The following PABIR2 variants were observed in gnomAD, a reference collection of about 807,000 sequenced individuals.
PABIR2 encodes the protein family with sequence similarity 122B.
A neutral mutation model predicts 22.8 loss-of-function variants in PABIR2; 7 were observed. The observed-to-expected ratio is 0.31, with a 90% confidence interval of 0.17 to 0.58. The LOEUF (loss-of-function observed/expected upper bound fraction) is 0.58, where lower values mean the gene tolerates loss of function less well. Among genes scored for constraint, PABIR2 ranks in the 20% least tolerant of loss-of-function variants. The pLI is 0.89. For missense variants in PABIR2, 155 were observed against 205.1 expected (o/e 0.76, Z 1.49); for synonymous variants, 67 against 73.8 (o/e 0.91, Z 0.47).
At chrX:134,784,114 C>T (rs1204120641) in intron 8 of PABIR2, among the ~76,000 whole-genome samples, 1 of 108,897 alleles carries the variant, frequency 9.2e-6, no homozygotes, top group Non-Finnish European at 1.9e-5. Flanking sequence ...TGTTAAGACT[C>T]GTTTAAAATG....
At chrX:134,787,912 G>C (rs1295186868) in intron 6 of PABIR2, among the ~76,000 whole-genome samples, 2 of 107,687 alleles carry the variant, frequency 1.9e-5, no homozygotes, top group East Asian at 2.9e-4. Flanking sequence ...AATGATTACA[G>C]GTATAAGCCA....
At position 134,772,051 on chromosome X, in the gene PABIR2, C is replaced by T; in HGVS notation, c.*88G>A. 1.0e-5 allele frequency: 11 copies of T among 1,095,457 alleles called. No individual in the cohort carries two copies. Among genetic ancestry groups the T allele is most frequent in the Non-Finnish European group, 1.2e-5 (10 of 834,473 alleles). 90.3% of individuals were successfully genotyped at this position (1,095,457 alleles called of 1,213,427 possible). ...GTGTGAAATCTGTAAAACTTTAATC[C>T]TCATTATGGATCAAAGTTCTCTGCG... On this transcript the variant is annotated 3_prime_UTR_variant, in exon 10 of 10. Transcript: ENST00000343004.
At chrX:134,787,301 T>C (rs1192863273) in intron 7 of PABIR2, among the ~76,000 whole-genome samples, 171 bp downstream of exon 7, 2 of 109,640 alleles carry the variant, frequency 1.8e-5, no homozygotes, top group African/African-American at 3.3e-5. Flanking sequence ...GGTTTCACCA[T>C]GTTGGCCAAG....
intron 6 of PABIR2, among the ~76,000 whole-genome samples, chrX:134,788,102 C>T (rs2079401948): frequency 1.0e-5 from 1 of 98,777 alleles, no homozygotes. Flanking sequence ...AATATATACA[C>T]GTTATATATG....
At chrX:134,793,946 T>C in intron 1 of PABIR2, 53 bp from the exon 2 acceptor site, 1 of 1,176,314 alleles carries the variant, frequency 8.5e-7, no homozygotes, top group Admixed American at 2.4e-5. Context: ...TAATGTTTTC[T>C]AATGGAAGAT....
intron 1 of PABIR2, among the ~76,000 whole-genome samples, chrX:134,794,720 A>C (rs887344179): frequency 2.7e-5 from 3 of 112,191 alleles, no homozygotes; most frequent in African/African-American, 9.7e-5. Flanking sequence ...GATGCCCACA[A>C]TAAGGATGAG....
In PABIR2 at chrX:134,771,570, C is replaced by A; in HGVS notation, c.*569G>T. 1.1e-6 allele frequency: 1 copy of A among 932,001 alleles called. No homozygotes were observed. The highest frequency in any genetic ancestry group is 1.3e-6 in the Non-Finnish European group (1 of 753,077). 76.8% of individuals were successfully genotyped at this position (932,001 alleles called of 1,213,427 possible). A position where few individuals can be genotyped will look rare whatever the true frequency, so the allele number is the denominator to read the frequency against. On this transcript the variant is annotated 3_prime_UTR_variant, in exon 10 of 10. Transcript: ENST00000343004. ...ATGAAAGCAACTACGTATTTCTTCC[C>A]CTCTGTGAGAAATGGCATAAGCGGC...
chrX:134,795,777 A>C (rs901390232), intron 1 of PABIR2, among the ~76,000 whole-genome samples: 22 of 112,145 alleles, frequency 2.0e-4, no homozygotes, highest in African/African-American at 7.1e-4. Context: ...TTGCACATCT[A>C]GTTCCAGGGG....
At chrX:134,789,762 T>A (rs1260828990) in intron 2 of PABIR2, 126 bp from the exon 3 acceptor site, 15 of 573,086 alleles carry the variant, frequency 2.6e-5, no homozygotes, top group Non-Finnish European at 4.0e-5. Context: ...GCTCTTTAGA[T>A]CACTGAACGT....
At chrX:134,783,893 C>T (rs1055349581) in intron 8 of PABIR2, among the ~76,000 whole-genome samples, 1 of 107,962 alleles carries the variant, frequency 9.3e-6, no homozygotes, top group Non-Finnish European at 1.9e-5. Flanking sequence ...GCCAACATGG[C>T]GAAACCCTGT....
intron 2 of PABIR2, among the ~76,000 whole-genome samples, chrX:134,790,665 G>A (rs1429764192): frequency 8.9e-6 from 1 of 112,147 alleles, no homozygotes; most frequent in Non-Finnish European, 1.9e-5. Flanking sequence ...TCAGCCTCCT[G>A]AGTAGCTGGG....
Position 134,796,262 on chromosome X carries a change from G to A in PABIR2, c.-57C>T. ...GCTCAGCTCCTGGTGCTTAGCTATG[G>A]ACTCCCAAGACTCTCACTGCAGGAC... is the stretch of plus-strand genomic sequence containing the variant. On this transcript the variant is annotated 5_prime_UTR_variant, in exon 1 of 10. Transcript: ENST00000343004. The A allele has an allele frequency of 1.1e-6, 1 of 874,885 alleles. No individual in the cohort carries two copies. Among genetic ancestry groups the A allele is most frequent in the Non-Finnish European group, 1.6e-6 (1 of 634,168 alleles). The allele number at this position is 874,885 out of a possible 1,213,427, so 72.1% of individuals were successfully genotyped here. A position where few individuals can be genotyped will look rare whatever the true frequency, so the allele number is the denominator to read the frequency against.
chrX:134,787,799 T>TA (rs1477746531), intron 6 of PABIR2, among the ~76,000 whole-genome samples: 1 of 103,722 alleles, frequency 9.6e-6, no homozygotes, highest in South Asian at 4.3e-4. Context: ...TGTATCTATT[T>TA]TTTTTTTTTT....
chrX:134,775,312 C>G (rs1008024774), intron 9 of PABIR2, among the ~76,000 whole-genome samples: 1 of 110,199 alleles, frequency 9.1e-6, no homozygotes, highest in Admixed American at 9.8e-5. Flanking sequence ...GGGCGGATCA[C>G]GAAGTCAGGA....
chrX:134,793,683 G>A (rs2079616822), intron 2 of PABIR2, 132 bp downstream of exon 2: 3 of 837,951 alleles, frequency 3.6e-6, no homozygotes, highest in Non-Finnish European at 3.5e-6. Context: ...AGCATAAGCA[G>A]TAAACAACAT....
chrX:134,784,783 C>T (rs1440628340), intron 8 of PABIR2, among the ~76,000 whole-genome samples: 6 of 111,267 alleles, frequency 5.4e-5, no homozygotes, highest in African/African-American at 2.0e-4. Context: ...TAAAGAGATG[C>T]CATCAGGTGC....
rs1307511987 is a variant in PABIR2 at position 134,796,427 on chromosome X, G to A, written c.-222C>T. ...ATGAGGAAGGGAGGATGATGGTGAG[G>A]CAGGAGAGGAGGACGAAGAGGTAGT... On this transcript the variant is annotated 5_prime_UTR_variant, in exon 1 of 10. Coordinates refer to ENST00000343004, the MANE Select transcript of PABIR2 (RefSeq NM_001387468.1). 1 of 386,070 alleles carries A rather than the reference G, an allele frequency of 2.6e-6. No homozygotes were observed. The highest frequency in any genetic ancestry group is 4.5e-6 in the Non-Finnish European group (1 of 221,182). The allele number at this position is 386,070 out of a possible 1,213,427, so 31.8% of individuals were successfully genotyped here. A position where few individuals can be genotyped will look rare whatever the true frequency, so the allele number is the denominator to read the frequency against.
chrX:134,782,317 T>C (rs2079178082), intron 8 of PABIR2, among the ~76,000 whole-genome samples: 1 of 112,307 alleles, frequency 8.9e-6, no homozygotes, highest in South Asian at 3.7e-4. Context: ...ACCTGAACAT[T>C]TCCTGAGATG....
chrX:134,794,094 C>T, intron 1 of PABIR2: 4 of 683,634 alleles, frequency 5.9e-6, no homozygotes, highest in Middle Eastern at 8.7e-4. Context: ...TATGGGTTTG[C>T]AGAGATACTG....
Sources: gnomAD v4.1 joint callset for allele counts (sites outside exome capture counted in the v4.1 genomes callset) on GRCh38, gnomAD v4.1.1 for gene constraint, MANE v1.5 for transcripts, NCBI Gene and HGNC (gene_info 2026-07-23, HGNC 2026-07-21) for gene names.